EFCAB5: variants seen among roughly 807,000 people sequenced by gnomAD.
EFCAB5 encodes EF-hand calcium-binding domain-containing protein 5.
Under a neutral mutation model 167.9 loss-of-function variants are expected in EFCAB5, and 131 were observed. That is an observed-to-expected ratio of 0.78 (90% CI 0.68 to 0.90). EFCAB5 has a LOEUF of 0.90. Among genes scored for constraint, EFCAB5 ranks in the 40% least tolerant of loss-of-function variants. The pLI is 0.00. For synonymous variants in EFCAB5, 574 were observed against 602.8 expected, an observed-to-expected ratio of 0.95 and a Z score of 0.70; for missense variants, 1,663 against 1,745.2, an observed-to-expected ratio of 0.95 and a Z score of 0.84.
intron 3 of EFCAB5, among the ~76,000 whole-genome samples, chr17:29,954,403 G>A (rs2067571148): frequency 2.0e-5 from 3 of 152,210 alleles, no homozygotes; most frequent in African/African-American, 7.2e-5. Context: ...ATCCACTCCA[G>A]CTGTGGCTAA....
chr17:30,093,235 G>T (rs1285100053), intron 22 of EFCAB5, among the ~76,000 whole-genome samples: 1 of 152,176 alleles, frequency 6.6e-6, no homozygotes, highest in Non-Finnish European at 1.5e-5. Flanking sequence ...AAGCAAAAAG[G>T]CTATCTTTAG....
At chr17:30,072,318 G>GA (rs1555570290) in intron 14 of EFCAB5, among the ~76,000 whole-genome samples, 3 of 152,110 alleles carry the variant, frequency 2.0e-5, no homozygotes, top group Non-Finnish European at 2.9e-5. Context: ...AATACAGTTG[G>GA]AAGTAATAAA....
Position 30,069,310 on chromosome 17 carries a change from C to A in EFCAB5, c.2738-8905C>A, listed in dbSNP as rs2070664783. 15 of 1,508,974 alleles carry A rather than the reference C, an allele frequency of 9.9e-6. No homozygotes were observed. The South Asian group carries it at 1.6e-4, about 16-fold the overall frequency. 93.5% of individuals were successfully genotyped at this position (1,508,974 alleles called of 1,614,324 possible). A position where few individuals can be genotyped will look rare whatever the true frequency, so the allele number is the denominator to read the frequency against. On this transcript the variant is annotated intron_variant, in intron 14 of 22. Coordinates refer to ENST00000394835, the MANE Select transcript of EFCAB5 (RefSeq NM_198529.4). The stretch of plus-strand genomic sequence containing the variant: ...ATGGCAAAGGTGAAGATGAGTTATC[C>A]CCAGAAGAAATACAAATGTTTGAAC...
intron 3 of EFCAB5, among the ~76,000 whole-genome samples, chr17:29,951,668 T>G (rs1164165276): frequency 6.6e-6 from 1 of 152,164 alleles, no homozygotes. Context: ...ATATTGGTTT[T>G]TAAACTTTTC....
chr17:30,086,717 ACT>A (rs1247038868), intron 18 of EFCAB5, among the ~76,000 whole-genome samples: 1 of 152,164 alleles, frequency 6.6e-6, no homozygotes, highest in African/African-American at 2.4e-5. Context: ...ACATGGTGAA[ACT>A]CTGTCTCTAC....
In EFCAB5 at chr17:30,107,904, C is replaced by G. The variant is rs750630923; in HGVS notation, c.4392C>G (p.Ile1464Met). The change falls in exon 23 of 23, where the codon ATC (isoleucine) becomes ATG (methionine). Residue 1464 changes from isoleucine to methionine, a missense_variant. Ile to Met is a conservative substitution (Grantham distance 10). Coordinates refer to ENST00000394835, the MANE Select transcript of EFCAB5 (RefSeq NM_198529.4). ...VIEHLYHWIH[I>M]CSALMKITKQ... is the part of the protein sequence containing the mutation. The stretch of plus-strand genomic sequence containing the variant: ...AACATCTATACCACTGGATACACAT[C>G]TGTTCAGCTCTCATGAAGATAACCA... 4.3e-6 allele frequency: 7 copies of G among 1,609,748 alleles called. No individual in the cohort carries two copies. The South Asian group carries it at 7.8e-5, about 18-fold the overall frequency.
intron 7 of EFCAB5, among the ~76,000 whole-genome samples, chr17:30,000,625 A>G (rs1289755672): frequency 6.6e-6 from 1 of 152,136 alleles, no homozygotes; most frequent in Non-Finnish European, 1.5e-5. Flanking sequence ...GAGTCAAGGT[A>G]ACTTTCTGTT....
At chr17:30,090,735 G>T in intron 20 of EFCAB5, 61 bp downstream of exon 20, 1 of 1,541,906 alleles carries the variant, frequency 6.5e-7, no homozygotes. Context: ...GGAAATCACA[G>T]GGAGTGCAAT....
At chr17:30,025,549 G>A (rs2069295468) in intron 7 of EFCAB5, among the ~76,000 whole-genome samples, 1 of 152,150 alleles carries the variant, frequency 6.6e-6, no homozygotes, top group South Asian at 2.1e-4. Context: ...GGAGAAATAG[G>A]AACACTTTTA....
chr17:30,065,391 C>T (rs766579172), intron 14 of EFCAB5, among the ~76,000 whole-genome samples: 5 of 152,076 alleles, frequency 3.3e-5, no homozygotes, highest in African/African-American at 4.8e-5. Context: ...TGGCCAGGCG[C>T]GGTGGCTCAT....
At chr17:29,996,894 T>G (rs764435645) in intron 6 of EFCAB5, among the ~76,000 whole-genome samples, 2 of 152,208 alleles carry the variant, frequency 1.3e-5, no homozygotes, top group Non-Finnish European at 2.9e-5. Flanking sequence ...CTTTTCATGT[T>G]ACATAAATTT....
chr17:30,069,053 T>G (rs1298633382), intron 14 of EFCAB5: 12 of 1,410,716 alleles, frequency 8.5e-6, no homozygotes, highest in Non-Finnish European at 1.2e-5. Context: ...GAAGATTACT[T>G]AAAAAAAGTG....
At chr17:29,944,458 C>A (rs2067355437) in intron 3 of EFCAB5, among the ~76,000 whole-genome samples, 1 of 152,004 alleles carries the variant, frequency 6.6e-6, no homozygotes. Flanking sequence ...ATTCATCTTG[C>A]ACTTAAAGAG....
intron 22 of EFCAB5, among the ~76,000 whole-genome samples, chr17:30,093,497 A>G (rs2071239004): frequency 1.3e-5 from 2 of 152,220 alleles, no homozygotes; most frequent in South Asian, 2.1e-4. Flanking sequence ...AAAAGTAATC[A>G]TAATTGGGAA....
At chr17:29,946,581 C>A (rs1165036482) in intron 3 of EFCAB5, among the ~76,000 whole-genome samples, 1 of 151,744 alleles carries the variant, frequency 6.6e-6, no homozygotes, top group African/African-American at 2.4e-5. Context: ...GGACTTCAGG[C>A]ACCTGCCACC....
Position 30,102,189 on chromosome 17 carries a change from G to C in EFCAB5, c.4322-5645G>C, listed in dbSNP as rs1248264045. Among the ~76,000 whole-genome samples, 16 of 152,122 alleles carry C rather than the reference G, an allele frequency of 1.1e-4. 2 individuals carry two copies. Among genetic ancestry groups the C allele is most frequent in the Admixed American group, 1.0e-3 (16 of 15,272 alleles). On this transcript the variant is annotated intron_variant, in intron 22 of 22. Transcript: ENST00000394835. ...TGAGTGGGTAGGTGTGCTGGTGGGA[G>C]TCTATGGAAGTTGCCTTCTGATTGT... is the stretch of plus-strand genomic sequence containing the variant.
intron 8 of EFCAB5, 29 bp downstream of exon 8, chr17:30,034,414 C>T (rs973532800): frequency 1.1e-5 from 17 of 1,553,976 alleles, no homozygotes; most frequent in African/African-American, 2.7e-5. Context: ...ATAATTGCTT[C>T]TTGGCCAGAC....
intron 18 of EFCAB5, among the ~76,000 whole-genome samples, chr17:30,086,215 T>C (rs993712546): frequency 5.3e-5 from 8 of 152,154 alleles, no homozygotes; most frequent in Non-Finnish European, 1.0e-4. Context: ...GAATTTGTGT[T>C]TCCTACAGTT....
chr17:29,996,287 C>CT (rs560693525), intron 5 of EFCAB5, 25 bp from the exon 6 acceptor site: 966 of 1,537,824 alleles, frequency 6.3e-4, no homozygotes, highest in Non-Finnish European at 8.1e-4. Flanking sequence ...TGGTTTCTTT[C>CT]TTTTTTTCCT....
Sources: gnomAD v4.1 joint callset for allele counts (sites outside exome capture counted in the v4.1 genomes callset) on GRCh38, gnomAD v4.1.1 for gene constraint, MANE v1.5 for transcripts, NCBI Gene and HGNC (gene_info 2026-07-23, HGNC 2026-07-21) for gene names.